The following KANSL1 variants were observed in gnomAD, a reference collection of about 807,000 sequenced individuals.
KANSL1 encodes the protein KAT8 regulatory NSL complex subunit 1, also known as MLL1/MLL complex subunit KANSL1.
In KANSL1, 22 loss-of-function variants were observed where a neutral mutation model predicts 103.6. That is an observed-to-expected ratio of 0.21 (90% CI 0.15 to 0.30). KANSL1 has a LOEUF of 0.30. Ranked by LOEUF, KANSL1 falls within the 10% of genes least tolerant of loss-of-function variation. The pLI is 1.00. For missense variants in KANSL1, 1,337 were observed against 1,399.8 expected, an observed-to-expected ratio of 0.96 and a Z score of 0.72; for synonymous variants, 600 against 527.6, an observed-to-expected ratio of 1.14 and a Z score of -1.88.
intron 2 of KANSL1, among the ~76,000 whole-genome samples, chr17:46,163,957 G>C (rs2045873383): frequency 1.3e-5 from 2 of 152,166 alleles, no homozygotes; most frequent in South Asian, 4.1e-4. Flanking sequence ...ACAATCAAAA[G>C]AAAACTGTCT....
intron 4 of KANSL1, among the ~76,000 whole-genome samples, chr17:46,078,150 C>G (rs2078856458): frequency 6.6e-6 from 1 of 152,150 alleles, no homozygotes; most frequent in Non-Finnish European, 1.5e-5. Flanking sequence ...TTTATAAAAG[C>G]ATAGTGGAGT....
At chr17:46,090,189 C>T (rs946671882) in intron 3 of KANSL1, among the ~76,000 whole-genome samples, 1 of 152,184 alleles carries the variant, frequency 6.6e-6, no homozygotes, top group African/African-American at 2.4e-5. Flanking sequence ...CCAAGAACAC[C>T]AAGGACTAGC....
chr17:46,104,835 G>C (rs190645739), intron 2 of KANSL1, among the ~76,000 whole-genome samples: 27 of 151,718 alleles, frequency 1.8e-4, no homozygotes, highest in African/African-American at 5.8e-4. Context: ...TTTTTTTTTA[G>C]ACAAAGTTTT....
chr17:46,144,447 ACT>A (rs1463203051), intron 2 of KANSL1, among the ~76,000 whole-genome samples: 1 of 152,212 alleles, frequency 6.6e-6, no homozygotes, highest in Non-Finnish European at 1.5e-5. Context: ...AATTTCTGGG[ACT>A]CTCTAAATGA....
At chr17:46,101,776 A>AAAAAAAAAAAC (rs2042331031) in intron 2 of KANSL1, among the ~76,000 whole-genome samples, 1 of 149,582 alleles carries the variant, frequency 6.7e-6, no homozygotes, top group African/African-American at 2.4e-5. Flanking sequence ...AAAAAAAAAA[A>AAAAAAAAAAAC]AAAGAAATAA....
At chr17:46,210,837 C>T (rs1205565117) in intron 1 of KANSL1, among the ~76,000 whole-genome samples, 1 of 152,124 alleles carries the variant, frequency 6.6e-6, no homozygotes, top group African/African-American at 2.4e-5. Flanking sequence ...TTAGAGAATG[C>T]TTTGGCAAGT....
chr17:46,112,635 A>G (rs1449506903), intron 2 of KANSL1, among the ~76,000 whole-genome samples: 1 of 150,228 alleles, frequency 6.7e-6, no homozygotes, highest in Non-Finnish European at 1.5e-5. Context: ...TAGTGAGCCA[A>G]GATCACACTA....
At position 46,032,248 on chromosome 17, in the gene KANSL1, G is replaced by T; in HGVS notation, c.2889C>A (p.Asn963Lys). 1 of 1,560,298 alleles carries T rather than the reference G, an allele frequency of 6.4e-7. No individual in the cohort carries two copies. Among genetic ancestry groups the T allele is most frequent in the Non-Finnish European group, 8.7e-7 (1 of 1,150,048 alleles). Reference protein sequence around the residue: ...GRTTPQLGSANPSTPQPASPD... With the variant: ...GRTTPQLGSAKPSTPQPASPD... ...GGGAGGCAGGCTGGGGGGTGGAGGG[G>T]TTGGCACTGCCCAGCTGGGGGGTTG... The change falls in exon 14 of 15, where the codon AAC becomes AAA. Residue 963 changes from asparagine (N) to lysine (K), a missense_variant. Around this residue, in one of 2 missense-constraint regions of KANSL1, gnomAD observed 780 missense variants for 923.4 expected, o/e 0.84. Transcript: ENST00000432791.
chr17:46,049,662 T>C (rs2077642499), intron 7 of KANSL1: 1 of 152,070 alleles, frequency 6.6e-6, no homozygotes, highest in South Asian at 2.1e-4. Flanking sequence ...GGACTCAATA[T>C]GGCCAAAAGG....
intron 2 of KANSL1, among the ~76,000 whole-genome samples, chr17:46,136,227 A>G (rs1325195197): frequency 6.6e-6 from 1 of 152,224 alleles, no homozygotes; most frequent in African/African-American, 2.4e-5. Flanking sequence ...TAATTTTAAA[A>G]TGAGAATTCC....
intron 1 of KANSL1, among the ~76,000 whole-genome samples, chr17:46,219,658 G>A (rs1260458645): frequency 6.6e-5 from 10 of 152,394 alleles, no homozygotes; most frequent in Non-Finnish European, 1.0e-4. Flanking sequence ...GAGCCATCGC[G>A]TCTGGCCAAG....
chr17:46,145,873 C>A (rs1435215377), intron 2 of KANSL1, among the ~76,000 whole-genome samples: 1 of 152,124 alleles, frequency 6.6e-6, no homozygotes, highest in Non-Finnish European at 1.5e-5. Flanking sequence ...GGATTACAGG[C>A]GTCGACCATG....
At chr17:46,166,161 C>T (rs1421273662) in intron 2 of KANSL1, among the ~76,000 whole-genome samples, 1 of 148,282 alleles carries the variant, frequency 6.7e-6, no homozygotes, top group Non-Finnish European at 1.5e-5. Context: ...TGCAGTGAGC[C>T]GAGATCATGC....
intron 2 of KANSL1, among the ~76,000 whole-genome samples, chr17:46,137,569 C>A (rs2044210625): frequency 6.6e-6 from 1 of 152,128 alleles, no homozygotes; most frequent in Non-Finnish European, 1.5e-5. Context: ...ATGTCACTTC[C>A]ATCTTTCTGT....
At chr17:46,124,521 C>T (rs62063164) in intron 2 of KANSL1, among the ~76,000 whole-genome samples, 21,690 of 152,062 alleles carry the variant, frequency 0.14, 2,126 homozygotes, top group Non-Finnish European at 0.22. Flanking sequence ...GCAATAATTT[C>T]CACTTCTAAG....
At position 46,141,818 on chromosome 17, in the gene KANSL1, G is replaced by A. The variant is rs1032253808; in HGVS notation, c.1289+29037C>T. On this transcript the variant is annotated intron_variant, in intron 2 of 14. Transcript: ENST00000432791. ...ACTAGTCAGCTTTTTCGGAAAGAGG[G>A]TTAGAGAGGACTTACTTCCTTGTAT... is the stretch of plus-strand genomic sequence containing the variant. Among the ~76,000 whole-genome samples, 6 of 152,208 alleles carry A rather than the reference G, an allele frequency of 3.9e-5. No homozygotes were observed. In the East Asian group the frequency reaches 1.2e-3, roughly 29 times the overall value.
At chr17:46,190,216 G>A (rs1031874422) in intron 1 of KANSL1, among the ~76,000 whole-genome samples, 1 of 152,204 alleles carries the variant, frequency 6.6e-6, no homozygotes, top group Admixed American at 6.5e-5. Flanking sequence ...AAAAAGTTTA[G>A]TATAGTTACT....
chr17:46,159,765 T>C (rs957976621), intron 2 of KANSL1, among the ~76,000 whole-genome samples: 5 of 152,252 alleles, frequency 3.3e-5, no homozygotes, highest in Non-Finnish European at 5.9e-5. Context: ...CCACATAAGA[T>C]ATAAATCATC....
chr17:46,208,055 G>C (rs1282931040), intron 1 of KANSL1, among the ~76,000 whole-genome samples: 1 of 151,430 alleles, frequency 6.6e-6, no homozygotes, highest in African/African-American at 2.4e-5. Flanking sequence ...AGGTTACAGT[G>C]AGCCAAGATC....
Sources: allele counts gnomAD v4.1 joint callset (sites outside exome capture counted in the v4.1 genomes callset), GRCh38; gene constraint gnomAD v4.1.1; regional missense constraint gnomAD v4.1.1; transcripts MANE v1.5; gene names NCBI Gene and HGNC (gene_info 2026-07-23, HGNC 2026-07-21).